The following DBT variants were observed in gnomAD, a reference collection of about 807,000 sequenced individuals.
The protein encoded by DBT is lipoamide acyltransferase component of branched-chain alpha-keto acid dehydrogenase complex, mitochondrial.
In DBT, 40 loss-of-function variants were observed where a neutral mutation model predicts 51.3. That is an observed-to-expected ratio of 0.78 (90% CI 0.61 to 1.02). DBT has a LOEUF of 1.02. Ranked by LOEUF, DBT falls within the 50% of genes least tolerant of loss-of-function variation. The pLI, the probability that DBT is intolerant of heterozygous loss-of-function variation, is 0.00. For synonymous variants in DBT, 181 were observed against 190.4 expected (o/e 0.95, Z 0.41); for missense variants, 510 against 580.2 (o/e 0.88, Z 1.24).
intron 8 of DBT, among the ~76,000 whole-genome samples, chr1:100,210,284 C>T (rs964568522): frequency 1.3e-4 from 20 of 149,776 alleles, no homozygotes; most frequent in Admixed American, 1.1e-3. Context: ...GCATTCCAAA[C>T]TGGTGACAGA....
At position 100,194,136 on chromosome 1, in the gene DBT, C is replaced by T. The variant is rs928405900; in HGVS notation, c.*2119G>A. 2 of 152,046 alleles carry T rather than the reference C, an allele frequency of 1.3e-5. No individual in the cohort carries two copies. Among genetic ancestry groups the T allele is most frequent in the Non-Finnish European group, 2.9e-5 (2 of 68,004 alleles). The allele number at this position is 152,046 out of a possible 1,614,324, so 9.4% of individuals were successfully genotyped here. The stretch of plus-strand genomic sequence containing the variant: ...ACTCTTTGTATTATCTGAAATTTTA[C>T]AACAACAGCATTTATTTGACCTGTT... On this transcript the variant is annotated 3_prime_UTR_variant, in exon 11 of 11. Transcript: ENST00000370132.
intron 10 of DBT, among the ~76,000 whole-genome samples, chr1:100,204,237 T>C (rs112437691): frequency 2.0e-5 from 3 of 152,192 alleles, no homozygotes; most frequent in Non-Finnish European, 4.4e-5. Flanking sequence ...CTTAAGCTGA[T>C]AAGCAACTTC....
intron 2 of DBT, among the ~76,000 whole-genome samples, chr1:100,238,125 T>A (rs1663989823): frequency 6.8e-6 from 1 of 147,556 alleles, no homozygotes; most frequent in African/African-American, 2.5e-5. Flanking sequence ...TGACTCTAGG[T>A]TTCCTTCCTT....
Position 100,206,986 on chromosome 1 carries a change from C to T in DBT, c.1018-350G>A, listed in dbSNP as rs150074631. 1.9e-3 allele frequency among the ~76,000 whole-genome samples: 292 copies of T among 152,020 alleles called. 3 individuals carry two copies. Among genetic ancestry groups the T allele is most frequent in the African/African-American group, 6.6e-3 (275 of 41,460 alleles). On this transcript the variant is annotated intron_variant, in intron 8 of 10. Transcript: ENST00000370132. ...CCCAGCTACTCGGGAGGCTGAGGCACGAGAATCGCTTGAACCTGGGAGGTG... is the reference window on the plus strand; with the variant it reads ...CCCAGCTACTCGGGAGGCTGAGGCATGAGAATCGCTTGAACCTGGGAGGTG...
Position 100,240,760 on chromosome 1 carries a change from C to T in DBT, c.175+1G>A, listed in dbSNP as rs2100844517. On this transcript the variant is annotated splice_donor_variant, in intron 2 of 10. Coordinates refer to ENST00000370132, the MANE Select transcript of DBT (RefSeq NM_001918.5). LOFTEE classifies it high-confidence loss of function. ...ACACGTTATTTTGAAATCATACTTA[C>T]CAGCAGTTGTTTTCAGGAAGTGATG... The T allele has an allele frequency of 6.3e-7, 1 of 1,593,948 alleles. No homozygotes were observed. The highest frequency in any genetic ancestry group is 8.6e-7 in the Non-Finnish European group (1 of 1,163,134).
intron 8 of DBT, among the ~76,000 whole-genome samples, chr1:100,207,901 G>A (rs1018983680): frequency 9.2e-5 from 14 of 152,050 alleles, no homozygotes; most frequent in Non-Finnish European, 1.8e-4. Flanking sequence ...GGGAGGCCGA[G>A]GCGGGCGGAT....
chr1:100,207,797 C>T (rs757338238), intron 8 of DBT, among the ~76,000 whole-genome samples: 5 of 151,086 alleles, frequency 3.3e-5, no homozygotes, highest in Non-Finnish European at 7.4e-5. Flanking sequence ...TATGATTATG[C>T]ATGGGTGACA....
At chr1:100,241,933 A>G (rs56215925) in intron 1 of DBT, among the ~76,000 whole-genome samples, 109,893 of 151,762 alleles carry the variant, frequency 0.72, 42,836 homozygotes, top group East Asian at 0.93. Flanking sequence ...AGGCAGGAGA[A>G]TCGCTTGAAT....
chr1:100,193,464 T>C lies in DBT; in HGVS notation c.*2791A>G, dbSNP rs1014765827. 2 of 152,236 alleles carry C rather than the reference T, an allele frequency of 1.3e-5. No homozygotes were observed. The highest frequency in any genetic ancestry group is 2.1e-4 in the South Asian group (1 of 4,830). 9.4% of individuals were successfully genotyped at this position (152,236 alleles called of 1,614,324 possible). ...GTGTTTTATGCAGTTATTTAATATC[T>C]GTCTCCTTACTAGACTGTAAGCCCA... On this transcript the variant is annotated 3_prime_UTR_variant, in exon 11 of 11. Coordinates refer to ENST00000370132, the MANE Select transcript of DBT (RefSeq NM_001918.5).
intron 4 of DBT, among the ~76,000 whole-genome samples, chr1:100,225,264 TTC>T (rs1256582631): frequency 7.2e-5 from 11 of 152,008 alleles, no homozygotes; most frequent in Admixed American, 6.6e-4. Flanking sequence ...CTCGTTGGTT[TTC>T]TGTTATTAGA....
rs55792733 is a variant in DBT, at chr1:100,218,932, T to TG, written c.434-186dup. Among the ~76,000 whole-genome samples, 4,076 of 146,564 alleles carry TG rather than the reference T, an allele frequency of 0.028. 198 individuals are homozygous for TG. Among genetic ancestry groups the TG allele is most frequent in the African/African-American group, 0.097 (3,680 of 38,050 alleles). Reference sequence around the variant, plus strand: ...AACTATCCTAATGGTATGGGTAGAGTGGGGGGGGGGGTGTGTGCCGGTACC... The same window carrying TG: ...AACTATCCTAATGGTATGGGTAGAGTGGGGGGGGGGGGTGTGTGCCGGTACC... On this transcript the variant is annotated intron_variant, in intron 4 of 10. Transcript: ENST00000370132.
rs1269980347 is a variant in DBT at position 100,194,385 on chromosome 1, T to C, written c.*1870A>G. On this transcript the variant is annotated 3_prime_UTR_variant, in exon 11 of 11. Coordinates refer to ENST00000370132, the MANE Select transcript of DBT (RefSeq NM_001918.5). ...CAAAGTGTTGCTCTGCCACCCAGGCTGGAGTGCAGTGGTGTGATCTCTGCT... is the reference window on the plus strand; with the variant it reads ...CAAAGTGTTGCTCTGCCACCCAGGCCGGAGTGCAGTGGTGTGATCTCTGCT... 3 of 152,064 alleles carry C rather than the reference T, an allele frequency of 2.0e-5. No homozygotes were observed. The highest frequency in any genetic ancestry group is 7.3e-5 in the African/African-American group (3 of 41,324). The allele number at this position is 152,064 out of a possible 1,614,324, so 9.4% of individuals were successfully genotyped here. A position where few individuals can be genotyped will look rare whatever the true frequency, so the allele number is the denominator to read the frequency against.
chr1:100,220,569 A>G (rs1024374019), intron 4 of DBT, among the ~76,000 whole-genome samples: 6 of 152,364 alleles, frequency 3.9e-5, no homozygotes, highest in African/African-American at 1.2e-4. Flanking sequence ...GAAGAGAAAA[A>G]AACCCAAAAC....
Position 100,210,749 on chromosome 1 carries a change from T to G in DBT, c.962A>C (p.Gln321Pro). ...FLKAASLGLLQFPILNASVDE... is the reference protein window; with the variant it reads ...FLKAASLGLLPFPILNASVDE... ...CACAGAAGCGTTAAGGATAGGAAAC[T>G]GTAGTAATCCCAAGGAAGCAGCCTG... The change falls in exon 8 of 11, where the codon CAG becomes CCG. Residue 321 changes from glutamine to proline, a missense_variant. By Grantham distance (76) the Gln-to-Pro change is moderately conservative (BLOSUM62 -1). Transcript: ENST00000370132. The G allele has an allele frequency of 6.2e-7, 1 of 1,613,754 alleles. No homozygotes were observed. Among genetic ancestry groups the G allele is most frequent in the South Asian group, 1.1e-5 (1 of 91,066 alleles).
At chr1:100,240,534 A>G (rs531196031) in intron 2 of DBT, among the ~76,000 whole-genome samples, 1 of 152,200 alleles carries the variant, frequency 6.6e-6, no homozygotes, top group Non-Finnish European at 1.5e-5. Context: ...TCTCTAAAAA[A>G]AAATTTTTTT....
chr1:100,215,981 A>C lies in DBT; in HGVS notation c.772+2T>G. On this transcript the variant is annotated splice_donor_variant, in intron 6 of 10. Transcript: ENST00000370132. LOFTEE classifies it high-confidence loss of function. Reference sequence around the variant, plus strand: ...TTATAGTATTGTTATTATTATCATTACCTTTTATGGGTTCTGTTTTGTCTT... The same window carrying C: ...TTATAGTATTGTTATTATTATCATTCCCTTTTATGGGTTCTGTTTTGTCTT... 1.3e-6 allele frequency: 2 copies of C among 1,524,880 alleles called. No homozygotes were observed. The highest frequency in any genetic ancestry group is 1.8e-6 in the Non-Finnish European group (2 of 1,098,912). 94.5% of individuals were successfully genotyped at this position (1,524,880 alleles called of 1,614,324 possible). A position where few individuals can be genotyped will look rare whatever the true frequency, so the allele number is the denominator to read the frequency against.
In DBT at chr1:100,216,004, C is replaced by T. The variant is rs201208745; in HGVS notation, c.751G>A (p.Asp251Asn). 1 of 1,602,408 alleles carries T rather than the reference C, an allele frequency of 6.2e-7. No individual in the cohort carries two copies. The highest frequency in any genetic ancestry group is 8.5e-7 in the Non-Finnish European group (1 of 1,169,622). ...VSKPPVFTGK[D>N]KTEPIKGFQK... ...TTACCTTTTATGGGTTCTGTTTTGT[C>T]TTTGCCTGTGAATACCGGAGGTTTT... Residue 251 changes from aspartate (D) to asparagine (N), a missense_variant, in exon 6 of 11, where the codon GAC (aspartate) becomes AAC (asparagine). Coordinates refer to ENST00000370132, the MANE Select transcript of DBT (RefSeq NM_001918.5).
Position 100,191,329 on chromosome 1 carries a change from T to C in DBT, c.*4926A>G, listed in dbSNP as rs1356273657. On this transcript the variant is annotated 3_prime_UTR_variant, in exon 11 of 11. Coordinates refer to ENST00000370132, the MANE Select transcript of DBT (RefSeq NM_001918.5). ...GGGAAGAAAATACAAATGTTTTTTG[T>C]TGGAGAAATTATAAAATCTTGGAAT... 1.3e-5 allele frequency: 2 copies of C among 152,296 alleles called. No homozygotes were observed. Among genetic ancestry groups the C allele is most frequent in the Non-Finnish European group, 2.9e-5 (2 of 68,022 alleles). 9.4% of individuals were successfully genotyped at this position (152,296 alleles called of 1,614,324 possible). A position where few individuals can be genotyped will look rare whatever the true frequency, so the allele number is the denominator to read the frequency against.
At chr1:100,233,153 G>A (rs1202196817) in intron 3 of DBT, among the ~76,000 whole-genome samples, 1 of 151,972 alleles carries the variant, frequency 6.6e-6, no homozygotes, top group Non-Finnish European at 1.5e-5. Flanking sequence ...AATCTCAGGA[G>A]TTTGAGACCA....
Sources: allele counts gnomAD v4.1 joint callset (sites outside exome capture counted in the v4.1 genomes callset), GRCh38; gene constraint gnomAD v4.1.1; transcripts MANE v1.5; gene names NCBI Gene and HGNC (gene_info 2026-07-23, HGNC 2026-07-21).